Variants in WBP1L observed in about 807,000 individuals in gnomAD.
WBP1L encodes the protein WW domain binding protein 1-like.
In WBP1L, 17 loss-of-function variants were observed where a neutral mutation model predicts 33.7. That is an observed-to-expected ratio of 0.50 (90% CI 0.34 to 0.76). The LOEUF is 0.76. Among genes scored for constraint, WBP1L ranks in the 30% least tolerant of loss-of-function variants. The pLI, the probability that WBP1L is intolerant of heterozygous loss-of-function variation, is 0.01. For synonymous variants in WBP1L, 173 were observed against 190.8 expected, an observed-to-expected ratio of 0.91 and a Z score of 0.77; for missense variants, 389 against 469.4, an observed-to-expected ratio of 0.83 and a Z score of 1.58.
chr10:102,805,370 C>T (rs913952165), intron 2 of WBP1L, among the ~76,000 whole-genome samples: 8 of 151,668 alleles, frequency 5.3e-5, no homozygotes, highest in Non-Finnish European at 1.0e-4. Flanking sequence ...GTTGGTTTAC[C>T]TTTAGGTAGA....
intron 1 of WBP1L, among the ~76,000 whole-genome samples, chr10:102,750,210 C>T (rs934605443): frequency 6.6e-6 from 1 of 151,284 alleles, no homozygotes; most frequent in Non-Finnish European, 1.5e-5. Context: ...GAGTTCTAGA[C>T]CAGCGTGGCC....
At chr10:102,754,673 A>G (rs1228945122) in intron 1 of WBP1L, among the ~76,000 whole-genome samples, 1 of 151,932 alleles carries the variant, frequency 6.6e-6, no homozygotes, top group Non-Finnish European at 1.5e-5. Flanking sequence ...GCTTACAGGC[A>G]TGAGACACCG....
At chr10:102,790,583 T>TGCAACCTCTGCC (rs1843481984) in intron 1 of WBP1L, among the ~76,000 whole-genome samples, 1 of 152,192 alleles carries the variant, frequency 6.6e-6, no homozygotes, top group African/African-American at 2.4e-5. Flanking sequence ...CAATCTCGGC[T>TGCAACCTCTGCC]CACTGCAACC....
intron 1 of WBP1L, among the ~76,000 whole-genome samples, chr10:102,796,632 T>C (rs969425967): frequency 2.0e-5 from 3 of 152,220 alleles, no homozygotes; most frequent in Non-Finnish European, 2.9e-5. Flanking sequence ...TGGCTTTAGT[T>C]TATTTGCTGA....
At chr10:102,796,356 C>T (rs753315889) in intron 1 of WBP1L, among the ~76,000 whole-genome samples, 3 of 152,168 alleles carry the variant, frequency 2.0e-5, no homozygotes, top group African/African-American at 2.4e-5. Context: ...ATGGTGGAAA[C>T]GTGCACTAAG....
chr10:102,813,648 A>C lies in WBP1L; in HGVS notation c.*317A>C. On this transcript the variant is annotated 3_prime_UTR_variant, in exon 4 of 4. Transcript: ENST00000448841. Reference sequence around the variant, plus strand: ...TTTGGGTCAGAGAGATGTGTTTTAAAAGCCCCCAAGGAAGGAGGCTGGGAC... The same window carrying C: ...TTTGGGTCAGAGAGATGTGTTTTAACAGCCCCCAAGGAAGGAGGCTGGGAC... The C allele has an allele frequency of 2.8e-6, 1 of 357,876 alleles. No individual in the cohort carries two copies. Among genetic ancestry groups the C allele is most frequent in the Non-Finnish European group, 5.1e-6 (1 of 195,274 alleles). The allele number at this position is 357,876 out of a possible 1,614,324, so 22.2% of individuals were successfully genotyped here.
At chr10:102,759,925 C>CT (rs1843017221) in intron 1 of WBP1L, among the ~76,000 whole-genome samples, 1 of 152,206 alleles carries the variant, frequency 6.6e-6, no homozygotes, top group Non-Finnish European at 1.5e-5. Context: ...CTATGTTTAA[C>CT]TTTTTGAGAG....
intron 1 of WBP1L, chr10:102,744,410 G>A: frequency 3.0e-6 from 3 of 985,288 alleles, no homozygotes; most frequent in South Asian, 4.7e-5. Flanking sequence ...TGGGGTGACT[G>A]TGGCTGGATA....
intron 1 of WBP1L, among the ~76,000 whole-genome samples, chr10:102,792,091 C>T (rs557238434): frequency 6.6e-6 from 1 of 152,322 alleles, no homozygotes; most frequent in African/African-American, 2.4e-5. Context: ...ACTGTTTATC[C>T]TTTCCAGTGT....
intron 1 of WBP1L, among the ~76,000 whole-genome samples, chr10:102,769,530 A>G (rs902143511): frequency 6.6e-6 from 1 of 152,046 alleles, no homozygotes; most frequent in African/African-American, 2.4e-5. Flanking sequence ...GATTCATCCA[A>G]CAGTACATCT....
At chr10:102,801,269 G>A (rs775241929) in intron 2 of WBP1L, among the ~76,000 whole-genome samples, 16 of 152,180 alleles carry the variant, frequency 1.1e-4, no homozygotes, top group East Asian at 3.9e-4. Context: ...GCATTTTTAC[G>A]GCACCTGTAC....
At chr10:102,800,667 A>AAGTC (rs1287486686) in intron 2 of WBP1L, among the ~76,000 whole-genome samples, 1 of 152,176 alleles carries the variant, frequency 6.6e-6, no homozygotes, top group Non-Finnish European at 1.5e-5. Flanking sequence ...CCTTCTCAGG[A>AAGTC]AGTCCTCCGA....
chr10:102,758,306 A>G (rs1389085618), intron 1 of WBP1L, among the ~76,000 whole-genome samples: 1 of 152,108 alleles, frequency 6.6e-6, no homozygotes, highest in Non-Finnish European at 1.5e-5. Flanking sequence ...CATCACCGCT[A>G]TCTTAATTTT....
intron 1 of WBP1L, among the ~76,000 whole-genome samples, chr10:102,774,930 A>T (rs958504812): frequency 6.6e-6 from 1 of 152,034 alleles, no homozygotes; most frequent in African/African-American, 2.4e-5. Context: ...CCTGGGCAAC[A>T]TGGCGAAACC....
At chr10:102,809,142 A>G (rs1044219229) in intron 2 of WBP1L, among the ~76,000 whole-genome samples, 2 of 152,204 alleles carry the variant, frequency 1.3e-5, no homozygotes, top group Middle Eastern at 3.4e-3. Flanking sequence ...CAATGGTGCA[A>G]TCTCGGCTCA....
At chr10:102,810,415 T>C (rs1192203853) in intron 3 of WBP1L, among the ~76,000 whole-genome samples, 1 of 87,718 alleles carries the variant, frequency 1.1e-5, no homozygotes, top group East Asian at 3.1e-4. Flanking sequence ...CTTTCTTTCT[T>C]TCCCTGCCTG....
intron 1 of WBP1L, among the ~76,000 whole-genome samples, chr10:102,745,821 C>G (rs760382834): frequency 1.6e-4 from 25 of 152,248 alleles, no homozygotes; most frequent in Admixed American, 3.9e-4. Context: ...CTGTTTTAGC[C>G]TTTGTTGGGG....
At chr10:102,785,524 A>T (rs768822449) in intron 1 of WBP1L, among the ~76,000 whole-genome samples, 2 of 149,350 alleles carry the variant, frequency 1.3e-5, no homozygotes, top group Non-Finnish European at 2.9e-5. Flanking sequence ...CAACGGTGCC[A>T]TGTAGGCATA....
chr10:102,746,304 T>G (rs1277315609), intron 1 of WBP1L: 1 of 300,420 alleles, frequency 3.3e-6, no homozygotes, highest in African/African-American at 2.3e-5. Context: ...TTGTACTTTG[T>G]TCCATTTGGA....
Sources: allele counts gnomAD v4.1 joint callset (sites outside exome capture counted in the v4.1 genomes callset), GRCh38; gene constraint gnomAD v4.1.1; transcripts MANE v1.5; gene names NCBI Gene and HGNC (gene_info 2026-07-23, HGNC 2026-07-21).